The following NLK variants were observed in gnomAD, a reference collection of about 807,000 sequenced individuals.
The protein encoded by NLK is nemo like kinase.
In NLK, 11 loss-of-function variants were observed where a neutral mutation model predicts 59.0. The ratio of observed to expected loss-of-function variants is 0.19; its 90% confidence interval spans 0.12 to 0.31. The LOEUF (loss-of-function observed/expected upper bound fraction) is 0.31. Ranked by LOEUF, NLK falls within the 10% of genes least tolerant of loss-of-function variation. NLK has a pLI of 1.00. For synonymous variants in NLK, 235 were observed against 235.9 expected, an observed-to-expected ratio of 1.00 and a Z score of 0.03; for missense variants, 410 against 661.1, an observed-to-expected ratio of 0.62 and a Z score of 4.16.
intron 1 of NLK, among the ~76,000 whole-genome samples, chr17:28,045,411 C>A (rs1161422824): frequency 6.6e-6 from 1 of 152,180 alleles, no homozygotes; most frequent in Non-Finnish European, 1.5e-5. Context: ...GTTCTGGAGG[C>A]TAGAAATCCA....
rs140209970 is a variant in NLK, at chr17:28,162,651, C to T, written c.752-892C>T. Among the ~76,000 whole-genome samples, 33 of 152,022 alleles carry T rather than the reference C, an allele frequency of 2.2e-4. No homozygotes were observed. In the East Asian group the frequency reaches 2.9e-3, roughly 13 times the overall value. ...GACTCCGTCTCAAAAAAAACAAAAA[C>T]GTTCACCTCTAAGATTTGTTCATAT... On this transcript the variant is annotated intron_variant, in intron 4 of 10. Coordinates refer to ENST00000407008, the MANE Select transcript of NLK (RefSeq NM_016231.5).
At chr17:28,109,920 G>A (rs894410843) in intron 1 of NLK, among the ~76,000 whole-genome samples, 3 of 152,190 alleles carry the variant, frequency 2.0e-5, no homozygotes, top group Non-Finnish European at 4.4e-5. Flanking sequence ...CAAGGTAGAT[G>A]TGCCATTGTA....
chr17:28,047,243 G>T (rs536464963), intron 1 of NLK, among the ~76,000 whole-genome samples: 61 of 152,334 alleles, frequency 4.0e-4, no homozygotes, highest in African/African-American at 1.4e-3. Context: ...TCAAGCTGTT[G>T]TGTTAATGTG....
rs571457250 is a variant in NLK, at chr17:28,081,647, C to T, written c.458+38316C>T. 2.0e-5 allele frequency among the ~76,000 whole-genome samples: 3 copies of T among 152,288 alleles called. No homozygotes were observed. The South Asian group carries it at 6.2e-4, about 32-fold the overall frequency. ...TATTACCTGAAGCCTCTGTTGTTAA[C>T]CCTTCACATGGGCCAATGACGTGTA... On this transcript the variant is annotated intron_variant, in intron 1 of 10. Transcript: ENST00000407008.
chr17:28,193,311 C>T (rs1445470582), intron 10 of NLK, among the ~76,000 whole-genome samples: 1 of 152,086 alleles, frequency 6.6e-6, no homozygotes, highest in African/African-American at 2.4e-5. Context: ...GTATGGCTGC[C>T]ACAGGAACTG....
chr17:28,063,492 A>G (rs923705794), intron 1 of NLK, among the ~76,000 whole-genome samples: 3 of 152,006 alleles, frequency 2.0e-5, no homozygotes, highest in Non-Finnish European at 2.9e-5. Flanking sequence ...AAAACAATCA[A>G]TTTTTTGAAC....
At chr17:28,087,033 C>G (rs1910541903) in intron 1 of NLK, among the ~76,000 whole-genome samples, 2 of 151,370 alleles carry the variant, frequency 1.3e-5, no homozygotes, top group East Asian at 1.9e-4. Context: ...GGGTGACACC[C>G]CATGACCTTG....
At chr17:28,078,214 T>TA (rs1910231798) in intron 1 of NLK, among the ~76,000 whole-genome samples, 1 of 152,186 alleles carries the variant, frequency 6.6e-6, no homozygotes, top group Non-Finnish European at 1.5e-5. Context: ...GATCATTGCA[T>TA]ATCCAGTAGG....
At chr17:28,044,752 G>A (rs1421505664) in intron 1 of NLK, among the ~76,000 whole-genome samples, 1 of 152,176 alleles carries the variant, frequency 6.6e-6, no homozygotes, top group Non-Finnish European at 1.5e-5. Flanking sequence ...TTGGGGGATG[G>A]AACAGACAGG....
chr17:28,132,327 T>C (rs781621874), intron 2 of NLK, among the ~76,000 whole-genome samples: 16 of 152,194 alleles, frequency 1.1e-4, no homozygotes, highest in Non-Finnish European at 2.1e-4. Flanking sequence ...TAGAGTAACA[T>C]TGATTGTTTA....
intron 1 of NLK, among the ~76,000 whole-genome samples, chr17:28,101,552 G>A (rs933056932): frequency 2.0e-5 from 3 of 152,132 alleles, no homozygotes; most frequent in African/African-American, 7.2e-5. Flanking sequence ...TGTAAACAGA[G>A]TTGGGGTTTT....
the NLK span, among the ~76,000 whole-genome samples, chr17:28,202,402 C>A: frequency 6.6e-6 from 1 of 151,858 alleles, no homozygotes; most frequent in Non-Finnish European, 1.5e-5. Flanking sequence ...CCCAAGTGAT[C>A]CACTCACCTC....
intron 1 of NLK, among the ~76,000 whole-genome samples, chr17:28,107,124 A>T (rs897447221): frequency 2.6e-5 from 4 of 152,130 alleles, no homozygotes; most frequent in Admixed American, 2.6e-4. Context: ...TTCAGTACGT[A>T]ATATATATAT....
At chr17:28,200,648 T>A (rs1909605576), downstream of NLK, among the ~76,000 whole-genome samples, 1 of 152,210 alleles carries the variant, frequency 6.6e-6, no homozygotes, top group Non-Finnish European at 1.5e-5. Context: ...CATGCCTGGA[T>A]AATTTTTGTA....
chr17:28,163,704 G>A (rs1908105543), intron 5 of NLK, 76 bp downstream of exon 5: 1 of 873,578 alleles, frequency 1.1e-6, no homozygotes, highest in African/African-American at 1.7e-5. Context: ...ATATTTTTGT[G>A]AAAGAAAGAA....
At chr17:28,134,490 G>A (rs1188489018) in intron 3 of NLK, among the ~76,000 whole-genome samples, 2 of 152,148 alleles carry the variant, frequency 1.3e-5, no homozygotes, top group Non-Finnish European at 2.9e-5. Context: ...AAGTAATTTA[G>A]AAATGATTTA....
chr17:28,135,472 C>A (rs1906705081), intron 3 of NLK, among the ~76,000 whole-genome samples: 1 of 152,174 alleles, frequency 6.6e-6, no homozygotes, highest in African/African-American at 2.4e-5. Context: ...CACCGTATAT[C>A]ATATTGTTAG....
chr17:28,077,073 C>CTTTTTTTTTTTTTTTTTTTT lies in NLK; in HGVS notation c.458+33748_458+33767dup, dbSNP rs35639099. ...CTTTGCTTTGTACTTCTCTTTCTTTCTTTTTTTTTTTTTTTTTTTTTTTTT... is the reference window on the plus strand; with the variant it reads ...CTTTGCTTTGTACTTCTCTTTCTTTCTTTTTTTTTTTTTTTTTTTTTTTTTTTTTTTTTTTTTTTTTTTTT... On this transcript the variant is annotated intron_variant, in intron 1 of 10. Transcript: ENST00000407008. Among the ~76,000 whole-genome samples the CTTTTTTTTTTTTTTTTTTTT allele has an allele frequency of 6.1e-4, 26 of 42,488 alleles. 1 individual carries two copies. The highest frequency in any genetic ancestry group is 1.8e-3 in the East Asian group (2 of 1,118). 27.9% of individuals were successfully genotyped at this position (42,488 alleles called of 152,430 possible).
intron 3 of NLK, among the ~76,000 whole-genome samples, chr17:28,137,091 A>G (rs147136366): frequency 0.013 from 1,956 of 152,256 alleles, 24 homozygotes; most frequent in Non-Finnish European, 0.02. Flanking sequence ...TATATTATCT[A>G]TGTCAGCAGC....
Sources: allele counts gnomAD v4.1 joint callset (sites outside exome capture counted in the v4.1 genomes callset), GRCh38; gene constraint gnomAD v4.1.1; transcripts MANE v1.5; gene names NCBI Gene and HGNC (gene_info 2026-07-23, HGNC 2026-07-21).